Variants in TTI1 observed in about 807,000 individuals in gnomAD.
TTI1 encodes the protein TELO2-interacting protein 1 homolog.
Under a neutral mutation model 85.4 loss-of-function variants are expected in TTI1, and 52 were observed. That is an observed-to-expected ratio of 0.61 (90% CI 0.49 to 0.77). The LOEUF (loss-of-function observed/expected upper bound fraction) is 0.77, where lower values mean the gene tolerates loss of function less well. Ranked by LOEUF, TTI1 falls within the 30% of genes least tolerant of loss-of-function variation. The probability of loss-of-function intolerance (pLI) is 0.00; values close to 1 mark genes in which losing one functional copy is unlikely to be tolerated. For missense variants in TTI1, 1,173 were observed against 1,296.0 expected (o/e 0.91, Z 1.46); for synonymous variants, 512 against 503.9 (o/e 1.02, Z -0.22).
intron 3 of TTI1, among the ~76,000 whole-genome samples, 175 bp from the exon 4 acceptor site, chr20:38,002,951 A>C (rs1398094317): frequency 6.6e-6 from 1 of 152,178 alleles, no homozygotes; most frequent in Non-Finnish European, 1.5e-5. Flanking sequence ...TAGCCATATA[A>C]TGGCATTTTA....
intron 1 of TTI1, among the ~76,000 whole-genome samples, chr20:38,020,324 ATATATATATATATATAT>A (rs2073751400): frequency 2.2e-5 from 1 of 45,814 alleles, no homozygotes; most frequent in African/African-American, 8.4e-5. Context: ...AAAAAAAAAA[ATATATATATATATATAT>A]ATATATATAT....
chr20:37,985,328 G>A (rs1044990797), intron 7 of TTI1, among the ~76,000 whole-genome samples: 3 of 152,098 alleles, frequency 2.0e-5, no homozygotes, highest in Non-Finnish European at 4.4e-5. Context: ...CATACTGCTG[G>A]GCATTAAATA....
chr20:38,004,424 T>A (rs2122547574), intron 3 of TTI1, among the ~76,000 whole-genome samples: 1 of 152,364 alleles, frequency 6.6e-6, no homozygotes, highest in East Asian at 1.9e-4. Flanking sequence ...AGGCTGCACC[T>A]GTCTCTAACA....
chr20:38,017,701 C>T (rs1046010620), intron 1 of TTI1, among the ~76,000 whole-genome samples: 5 of 152,056 alleles, frequency 3.3e-5, no homozygotes, highest in African/African-American at 7.2e-5. Context: ...TTGATGGACT[C>T]GAAATACTTA....
At chr20:37,996,653 G>C (rs563768078) in intron 6 of TTI1, 96 bp downstream of exon 6, 3 of 1,434,914 alleles carry the variant, frequency 2.1e-6, no homozygotes, top group Admixed American at 3.7e-5. Context: ...GTACACAGAG[G>C]GGAGGGGAGG....
At chr20:38,015,764 T>C (rs1213006085) in intron 1 of TTI1, among the ~76,000 whole-genome samples, 1 of 152,198 alleles carries the variant, frequency 6.6e-6, no homozygotes, top group African/African-American at 2.4e-5. Context: ...AGACAGTTAA[T>C]TGCCAAAACC....
At chr20:38,031,960 A>G (rs2073914133) in intron 1 of TTI1, among the ~76,000 whole-genome samples, 1 of 152,226 alleles carries the variant, frequency 6.6e-6, no homozygotes, top group Non-Finnish European at 1.5e-5. Flanking sequence ...AGTATATGAC[A>G]GTGTTATTAA....
intron 7 of TTI1, among the ~76,000 whole-genome samples, chr20:37,985,294 G>A (rs2073174911): frequency 6.6e-6 from 1 of 152,138 alleles, no homozygotes. Context: ...TTTATTATTG[G>A]CAATTATTCT....
chr20:38,017,217 T>C (rs1288411312), intron 1 of TTI1, among the ~76,000 whole-genome samples: 5 of 152,170 alleles, frequency 3.3e-5, no homozygotes, highest in African/African-American at 1.2e-4. Context: ...CTCAAAAACA[T>C]CTGTACAGAT....
chr20:37,986,945 AT>A (rs544447945), intron 7 of TTI1: 95 of 340,898 alleles, frequency 2.8e-4, no homozygotes, highest in African/African-American at 1.9e-3. Context: ...AATTTCGCCC[AT>A]TATTTTCAGG....
chr20:38,000,716 G>C (rs748106862), intron 4 of TTI1, among the ~76,000 whole-genome samples: 2 of 152,262 alleles, frequency 1.3e-5, no homozygotes, highest in Admixed American at 6.5e-5. Context: ...CAGGGGATCA[G>C]GGGAGCAGAG....
At chr20:38,033,306 C>G (rs1332633193) in intron 1 of TTI1, 98 bp downstream of exon 1, 2 of 152,474 alleles carry the variant, frequency 1.3e-5, no homozygotes, top group African/African-American at 4.8e-5. Flanking sequence ...CCTCCCATAT[C>G]CAGATCATGA....
intron 3 of TTI1, chr20:38,005,958 T>C: frequency 4.2e-6 from 2 of 474,702 alleles, no homozygotes; most frequent in African/African-American, 2.0e-5. Flanking sequence ...TCAACGGCAA[T>C]AAGCAGAGTT....
intron 1 of TTI1, among the ~76,000 whole-genome samples, chr20:38,030,971 G>A (rs1398376829): frequency 6.6e-6 from 1 of 152,206 alleles, no homozygotes; most frequent in Non-Finnish European, 1.5e-5. Context: ...AACCCTTGGA[G>A]CTATCTCAAC....
At chr20:38,017,478 G>A (rs1232422668) in intron 1 of TTI1, among the ~76,000 whole-genome samples, 1 of 151,890 alleles carries the variant, frequency 6.6e-6, no homozygotes, top group Non-Finnish European at 1.5e-5. Context: ...TTTGGTGCAT[G>A]TGTTGATCCT....
At chr20:37,998,297 GA>G (rs1260686386) in intron 5 of TTI1, among the ~76,000 whole-genome samples, 1 of 151,834 alleles carries the variant, frequency 6.6e-6, no homozygotes, top group Non-Finnish European at 1.5e-5. Context: ...TTTGTTTTGG[GA>G]AAAAAACATT....
chr20:38,028,233 T>C (rs907359349), intron 1 of TTI1, among the ~76,000 whole-genome samples: 4 of 152,196 alleles, frequency 2.6e-5, no homozygotes, highest in African/African-American at 9.7e-5. Flanking sequence ...AGATTGAGAT[T>C]GGCGGAGTGG....
chr20:38,020,323 A>AAAAAAAATATATAT, intron 1 of TTI1, among the ~76,000 whole-genome samples: 18 of 50,386 alleles, frequency 3.6e-4, no homozygotes, highest in African/African-American at 5.3e-4. Context: ...AAAAAAAAAA[A>AAAAAAAATATATAT]ATATATATAT....
chr20:38,002,636 G>A lies in TTI1; in HGVS notation c.2644C>T (p.Arg882Cys), dbSNP rs747808096. The change falls in exon 4 of 8, where the codon CGC (arginine) becomes TGC (cysteine). Residue 882 changes from arginine to cysteine, a missense_variant. Coordinates refer to ENST00000373447, the MANE Select transcript of TTI1 (RefSeq NM_001303457.2). Reference sequence around the variant, plus strand: ...AGCAGCTGCGCACTGACCTTCAGGCGGATTTGCAGATTTTTATCTGACAAC... The same window carrying A: ...AGCAGCTGCGCACTGACCTTCAGGCAGATTTGCAGATTTTTATCTGACAAC... ...HLLSDKNLQI[R>C]LKVLDVLDLC... 22 of 1,614,022 alleles carry A rather than the reference G, an allele frequency of 1.4e-5. No individual in the cohort carries two copies. Among genetic ancestry groups the A allele is most frequent in the Admixed American group, 5.0e-5 (3 of 60,002 alleles).
Sources: gnomAD v4.1 joint callset for allele counts (sites outside exome capture counted in the v4.1 genomes callset) on GRCh38, gnomAD v4.1.1 for gene constraint, MANE v1.5 for transcripts, NCBI Gene and HGNC (gene_info 2026-07-23, HGNC 2026-07-21) for gene names.